Variants in COP1 observed in about 807,000 individuals in gnomAD.
COP1 encodes the protein E3 ubiquitin-protein ligase COP1.
In COP1, 24 loss-of-function variants were observed where a neutral mutation model predicts 101.3. That is an observed-to-expected ratio of 0.24 (90% CI 0.17 to 0.33). COP1 has a LOEUF of 0.33. Among genes scored for constraint, COP1 ranks in the 10% least tolerant of loss-of-function variants. COP1 has a pLI of 1.00. For synonymous variants in COP1, 347 were observed against 341.9 expected (o/e 1.01, Z -0.17); for missense variants, 663 against 906.2 (o/e 0.73, Z 3.45).
intron 14 of COP1, among the ~76,000 whole-genome samples, chr1:176,028,588 A>T (rs1192768747): frequency 6.7e-6 from 1 of 149,514 alleles, no homozygotes; most frequent in African/African-American, 2.4e-5. Flanking sequence ...AGGAAAAATC[A>T]ATATAGATAA....
intron 11 of COP1, among the ~76,000 whole-genome samples, chr1:176,050,197 T>C (rs902914872): frequency 6.6e-6 from 1 of 152,250 alleles, no homozygotes; most frequent in Admixed American, 6.5e-5. Context: ...GAGTGATTTA[T>C]ATCAACAGCT....
intron 3 of COP1, among the ~76,000 whole-genome samples, chr1:176,169,874 CT>C (rs1265829706): frequency 3.3e-5 from 5 of 152,226 alleles, no homozygotes; most frequent in Non-Finnish European, 7.3e-5. Flanking sequence ...AGTAGAATTT[CT>C]TTCAAAGTTA....
intron 11 of COP1, among the ~76,000 whole-genome samples, chr1:176,074,672 G>A (rs976078206): frequency 6.6e-6 from 1 of 151,298 alleles, no homozygotes; most frequent in Non-Finnish European, 1.5e-5. Flanking sequence ...ATAAATGTCA[G>A]TATGATTAGG....
chr1:176,063,059 T>G, intron 11 of COP1, among the ~76,000 whole-genome samples: 1 of 140,746 alleles, frequency 7.1e-6, no homozygotes, highest in Non-Finnish European at 1.5e-5. Context: ...TTTTTTTTTT[T>G]TTTTTTTTTT....
At chr1:176,007,679 C>T (rs546359624) in intron 15 of COP1, among the ~76,000 whole-genome samples, 9 of 152,086 alleles carry the variant, frequency 5.9e-5, no homozygotes, top group South Asian at 2.1e-4. Context: ...CAGGGACCCA[C>T]TTGAGGAGGC....
intron 8 of COP1, among the ~76,000 whole-genome samples, chr1:176,123,198 G>T (rs919609798): frequency 6.6e-6 from 1 of 152,124 alleles, no homozygotes; most frequent in African/African-American, 2.4e-5. Context: ...AAGTACTCCA[G>T]AAATACTTAG....
chr1:176,153,981 G>C (rs1693047005), intron 5 of COP1, among the ~76,000 whole-genome samples: 1 of 152,148 alleles, frequency 6.6e-6, no homozygotes, highest in Non-Finnish European at 1.5e-5. Context: ...TGTACTGCTG[G>C]ATTCAATTTG....
At chr1:176,026,710 T>C (rs1667727782) in intron 15 of COP1, among the ~76,000 whole-genome samples, 1 of 152,174 alleles carries the variant, frequency 6.6e-6, no homozygotes, top group Non-Finnish European at 1.5e-5. Context: ...GTTTAAATTA[T>C]GCATTTCCTT....
chr1:175,954,615 T>C (rs1040234777), intron 18 of COP1, among the ~76,000 whole-genome samples: 5 of 152,032 alleles, frequency 3.3e-5, no homozygotes, highest in Non-Finnish European at 7.4e-5. Context: ...CATGAACAAT[T>C]GTATGTCAAT....
chr1:176,009,398 C>T (rs958764917), intron 15 of COP1, among the ~76,000 whole-genome samples: 6 of 152,106 alleles, frequency 3.9e-5, no homozygotes, highest in African/African-American at 1.2e-4. Flanking sequence ...ATAAAAATAA[C>T]ATAGTACCAT....
intron 11 of COP1, among the ~76,000 whole-genome samples, chr1:176,060,162 AAAC>A (rs1440240367): frequency 6.6e-6 from 1 of 152,212 alleles, no homozygotes; most frequent in Non-Finnish European, 1.5e-5. Flanking sequence ...TCTTGCTTTA[AAAC>A]AACTACTTTA....
At chr1:176,201,728 A>C (rs998372188) in intron 1 of COP1, among the ~76,000 whole-genome samples, 5 of 152,222 alleles carry the variant, frequency 3.3e-5, no homozygotes, top group Admixed American at 2.6e-4. Context: ...ATTGATGCTG[A>C]TGCCCCACCA....
intron 8 of COP1, among the ~76,000 whole-genome samples, chr1:176,132,362 TA>T (rs1235042679): frequency 1.3e-5 from 2 of 151,836 alleles, no homozygotes; most frequent in Admixed American, 1.3e-4. Flanking sequence ...TGCAAAGCCC[TA>T]CCATGCCTAA....
Position 175,949,168 on chromosome 1 carries a change from C to CAAAAAAAAAAAAAA in COP1, c.2134-1943_2134-1930dup, listed in dbSNP as rs56280543. ...GAGAGACTCCAGCAAGGCTCCGTCT[C>CAAAAAAAAAAAAAA]AAAAAAAAAAAAAAAAAAAAAAAAT... On this transcript the variant is annotated intron_variant, in intron 18 of 19. Coordinates refer to ENST00000367669, the MANE Select transcript of COP1 (RefSeq NM_022457.7). Among the ~76,000 whole-genome samples the CAAAAAAAAAAAAAA allele has an allele frequency of 6.5e-4, 28 of 43,154 alleles. 1 individual carries two copies. Among genetic ancestry groups the CAAAAAAAAAAAAAA allele is most frequent in the South Asian group, 3.1e-3 (2 of 638 alleles). The allele number at this position is 43,154 out of a possible 152,430, so 28.3% of individuals were successfully genotyped here.
intron 15 of COP1, among the ~76,000 whole-genome samples, chr1:176,025,435 T>C (rs1425170554): frequency 5.0e-5 from 7 of 140,684 alleles, no homozygotes; most frequent in African/African-American, 1.8e-4. Context: ...TATCCAAATA[T>C]GAACAAGTTT....
intron 5 of COP1, 50 bp downstream of exon 5, chr1:176,162,819 G>A: frequency 6.7e-7 from 1 of 1,498,196 alleles, no homozygotes; most frequent in South Asian, 1.3e-5. Flanking sequence ...CTTTTTTATT[G>A]CAATAAAGTT....
intron 15 of COP1, among the ~76,000 whole-genome samples, chr1:176,027,006 G>C (rs1667780130): frequency 6.6e-6 from 1 of 151,978 alleles, no homozygotes; most frequent in African/African-American, 2.4e-5. Context: ...GACTGTCCCA[G>C]GCAAACACCG....
chr1:175,980,608 A>G (rs1355401028), intron 18 of COP1, among the ~76,000 whole-genome samples: 2 of 152,074 alleles, frequency 1.3e-5, no homozygotes, highest in African/African-American at 2.4e-5. Context: ...CCCTAACCCT[A>G]AAGCTACAGA....
intron 15 of COP1, among the ~76,000 whole-genome samples, chr1:176,010,672 C>T (rs1445405815): frequency 6.6e-6 from 1 of 152,102 alleles, no homozygotes; most frequent in African/African-American, 2.4e-5. Context: ...GACCTTCTGG[C>T]CTTTTCAGTA....
Sources: gnomAD v4.1 joint callset for allele counts (sites outside exome capture counted in the v4.1 genomes callset) on GRCh38, gnomAD v4.1.1 for gene constraint, MANE v1.5 for transcripts, NCBI Gene and HGNC (gene_info 2026-07-23, HGNC 2026-07-21) for gene names.